The following RAD51B variants were observed in gnomAD, a reference collection of about 807,000 sequenced individuals.
RAD51B encodes the protein DNA repair protein RAD51 homolog 2.
RAD51B carries 38 observed loss-of-function variants against 42.2 expected under a neutral mutation model. The observed-to-expected ratio is 0.90, with a 90% CI of 0.70 to 1.18. The LOEUF is 1.18. Ranked by LOEUF, RAD51B falls within the 50% of genes most tolerant of loss-of-function variation. The pLI is 0.00. For missense variants in RAD51B, 373 were observed against 400.7 expected, an observed-to-expected ratio of 0.93 and a Z score of 0.59; for synonymous variants, 154 against 145.2, an observed-to-expected ratio of 1.06 and a Z score of -0.43.
At chr14:68,571,427 T>C (rs1356075895) in intron 10 of RAD51B, among the ~76,000 whole-genome samples, 1 of 152,214 alleles carries the variant, frequency 6.6e-6, no homozygotes, top group East Asian at 1.9e-4. Context: ...TGTCTTGTTT[T>C]TTCCAGCTTC....
At chr14:68,313,930 C>CG (rs3837660) in intron 8 of RAD51B, among the ~76,000 whole-genome samples, 1 of 151,894 alleles carries the variant, frequency 6.6e-6, no homozygotes, top group Admixed American at 6.6e-5. Context: ...GAGGAAGGAG[C>CG]TAAAGACCCC....
At chr14:68,543,802 G>T (rs935485433) in intron 10 of RAD51B, among the ~76,000 whole-genome samples, 1 of 152,168 alleles carries the variant, frequency 6.6e-6, no homozygotes, top group Non-Finnish European at 1.5e-5. Context: ...ATTCCTATTT[G>T]GTAGATAAGG....
At chr14:68,272,402 G>A (rs2081121566) in intron 7 of RAD51B, among the ~76,000 whole-genome samples, 1 of 151,668 alleles carries the variant, frequency 6.6e-6, no homozygotes, top group African/African-American at 2.4e-5. Flanking sequence ...GCTCCATTCT[G>A]CTGTATGACC....
At chr14:68,549,615 CGTGTTAGCCAGGATG>C (rs1888426940) in intron 10 of RAD51B, among the ~76,000 whole-genome samples, 1 of 150,760 alleles carries the variant, frequency 6.6e-6, no homozygotes, top group African/African-American at 2.4e-5. Context: ...GGGGTTTCAC[CGTGTTAGCCAGGATG>C]GTCTCGATCT....
intron 7 of RAD51B, among the ~76,000 whole-genome samples, chr14:67,937,141 A>G (rs1393341689): frequency 1.3e-5 from 2 of 152,238 alleles, no homozygotes; most frequent in African/African-American, 2.4e-5. Context: ...GTAGGGTGCC[A>G]TGAAGGGGAT....
chr14:68,278,825 G>A (rs1446864636), intron 7 of RAD51B, among the ~76,000 whole-genome samples: 1 of 152,140 alleles, frequency 6.6e-6, no homozygotes, highest in African/African-American at 2.4e-5. Flanking sequence ...ACTAATAGAT[G>A]GCAGGTCATT....
chr14:68,140,609 C>T (rs2078108820), intron 7 of RAD51B, among the ~76,000 whole-genome samples: 1 of 152,202 alleles, frequency 6.6e-6, no homozygotes, highest in Non-Finnish European at 1.5e-5. Flanking sequence ...GCTGAGGTTT[C>T]TCTGCCACTT....
intron 10 of RAD51B, among the ~76,000 whole-genome samples, chr14:68,572,581 A>G (rs1322640354): frequency 6.6e-6 from 1 of 152,136 alleles, no homozygotes; most frequent in East Asian, 1.9e-4. Flanking sequence ...TTCTGATTCC[A>G]GTAAGCCACC....
At chr14:68,604,176 T>C (rs1261842938) in intron 10 of RAD51B, among the ~76,000 whole-genome samples, 1 of 152,110 alleles carries the variant, frequency 6.6e-6, no homozygotes, top group Non-Finnish European at 1.5e-5. Flanking sequence ...TGAGGCCAGG[T>C]GCACGCGAGA....
At chr14:68,111,275 G>C (rs2077455479) in intron 7 of RAD51B, among the ~76,000 whole-genome samples, 1 of 152,010 alleles carries the variant, frequency 6.6e-6, no homozygotes, top group Non-Finnish European at 1.5e-5. Flanking sequence ...GCTTGTGCAT[G>C]CAACTTGAAA....
chr14:68,607,211 G>A (rs1423086974), intron 10 of RAD51B, among the ~76,000 whole-genome samples: 1 of 152,174 alleles, frequency 6.6e-6, no homozygotes, highest in Non-Finnish European at 1.5e-5. Flanking sequence ...GGGAGCTCCA[G>A]TGTTCCAGTT....
chr14:68,298,911 C>T (rs559270441), intron 8 of RAD51B, among the ~76,000 whole-genome samples: 13 of 152,070 alleles, frequency 8.5e-5, no homozygotes, highest in Non-Finnish European at 1.9e-4. Context: ...TGGCATGAAG[C>T]GTCTTCAGAA....
chr14:68,274,548 A>G (rs1272259887), intron 7 of RAD51B, among the ~76,000 whole-genome samples: 1 of 152,232 alleles, frequency 6.6e-6, no homozygotes, highest in Non-Finnish European at 1.5e-5. Context: ...ACAGTTGATT[A>G]GTTTAAATAA....
intron 7 of RAD51B, among the ~76,000 whole-genome samples, chr14:68,221,956 TA>T (rs2079937624): frequency 6.6e-6 from 1 of 152,132 alleles, no homozygotes; most frequent in African/African-American, 2.4e-5. Flanking sequence ...CACCACTAAT[TA>T]TCAGGGAAAT....
chr14:67,969,802 A>G (rs930213766), intron 7 of RAD51B, among the ~76,000 whole-genome samples: 1 of 152,176 alleles, frequency 6.6e-6, no homozygotes, highest in Non-Finnish European at 1.5e-5. Context: ...TAAACCTCCA[A>G]AAGGACTTGG....
At chr14:68,235,367 C>A (rs1451410647) in intron 7 of RAD51B, among the ~76,000 whole-genome samples, 3 of 151,730 alleles carry the variant, frequency 2.0e-5, no homozygotes, top group Non-Finnish European at 4.4e-5. Context: ...AGGAGGGGGC[C>A]AAGGACAGTA....
chr14:68,067,851 G>T (rs142498554), intron 7 of RAD51B, among the ~76,000 whole-genome samples: 1 of 138,994 alleles, frequency 7.2e-6, no homozygotes, highest in Non-Finnish European at 1.5e-5. Context: ...AGAATCCCTC[G>T]AACCCAGGAG....
At chr14:67,900,620 GTGTGTC>G (rs1312903583) in intron 7 of RAD51B, among the ~76,000 whole-genome samples, 1 of 145,594 alleles carries the variant, frequency 6.9e-6, no homozygotes, top group Non-Finnish European at 1.5e-5. Context: ...GTGTGTGTGT[GTGTGTC>G]ATACACACAC....
intron 7 of RAD51B, among the ~76,000 whole-genome samples, chr14:68,215,034 ATTTAGTTACCAT>A (rs1348003224): frequency 3.3e-5 from 5 of 152,194 alleles, no homozygotes; most frequent in Non-Finnish European, 7.4e-5. Context: ...GACTTTTAGG[ATTTAGTTACCAT>A]TTTCAAAAAA....
Sources: gnomAD v4.1 joint callset for allele counts (sites outside exome capture counted in the v4.1 genomes callset) on GRCh38, gnomAD v4.1.1 for gene constraint, MANE v1.5 for transcripts, NCBI Gene and HGNC (gene_info 2026-07-23, HGNC 2026-07-21) for gene names.